The following HPSE2 variants were observed in gnomAD, a reference collection of about 807,000 sequenced individuals.
HPSE2 encodes inactive heparanase-2.
Under a neutral mutation model 60.5 loss-of-function variants are expected in HPSE2, and 38 were observed. The observed-to-expected ratio is 0.63, with a 90% CI of 0.48 to 0.82. The LOEUF is 0.82. HPSE2 is among the 40% of genes least tolerant of loss of function. HPSE2 has a pLI of 0.00. For synonymous variants in HPSE2, 295 were observed against 293.2 expected, an observed-to-expected ratio of 1.01 and a Z score of -0.06; for missense variants, 713 against 740.4, an observed-to-expected ratio of 0.96 and a Z score of 0.43.
At chr10:99,198,213 C>T (rs1290583809) in intron 2 of HPSE2, among the ~76,000 whole-genome samples, 1 of 152,156 alleles carries the variant, frequency 6.6e-6, no homozygotes, top group Non-Finnish European at 1.5e-5. Context: ...ACACAACTCA[C>T]ACGTTTCTGA....
intron 3 of HPSE2, among the ~76,000 whole-genome samples, chr10:98,897,834 A>C (rs1181875145): frequency 6.6e-6 from 1 of 152,162 alleles, no homozygotes; most frequent in African/African-American, 2.4e-5. Context: ...AAAGAAAAAA[A>C]ATTGATTAGT....
chr10:98,643,417 T>C (rs1479996448), intron 6 of HPSE2, among the ~76,000 whole-genome samples: 1 of 152,228 alleles, frequency 6.6e-6, no homozygotes, highest in Non-Finnish European at 1.5e-5. Context: ...AATTAAGTTA[T>C]GTGTAAATAT....
At chr10:98,814,274 A>G (rs2134583947) in intron 3 of HPSE2, among the ~76,000 whole-genome samples, 2 of 152,312 alleles carry the variant, frequency 1.3e-5, no homozygotes, top group East Asian at 1.9e-4. Context: ...ATATTGAAAT[A>G]TAATAGATTT....
intron 6 of HPSE2, among the ~76,000 whole-genome samples, chr10:98,644,511 A>C (rs1358621289): frequency 6.6e-6 from 1 of 152,148 alleles, no homozygotes; most frequent in Non-Finnish European, 1.5e-5. Context: ...ATGTTGTAAA[A>C]ATTTGGAGTT....
intron 3 of HPSE2, among the ~76,000 whole-genome samples, chr10:98,799,056 T>C (rs1192146847): frequency 6.6e-6 from 1 of 151,928 alleles, no homozygotes; most frequent in East Asian, 1.9e-4. Flanking sequence ...ACTTCACCTA[T>C]AAAGATACAC....
At chr10:98,606,536 A>C (rs1047049645) in intron 9 of HPSE2, among the ~76,000 whole-genome samples, 1 of 152,238 alleles carries the variant, frequency 6.6e-6, no homozygotes, top group African/African-American at 2.4e-5. Context: ...CAACAAGACG[A>C]GGGTGAATTT....
the HPSE2 span, among the ~76,000 whole-genome samples, chr10:99,273,333 G>A: frequency 6.6e-6 from 1 of 152,072 alleles, no homozygotes; most frequent in Non-Finnish European, 1.5e-5. Flanking sequence ...TTCAGGTGAT[G>A]GTTGCATCAA....
intron 2 of HPSE2, among the ~76,000 whole-genome samples, chr10:99,170,468 G>C (rs974900522): frequency 6.6e-6 from 1 of 152,064 alleles, no homozygotes; most frequent in Non-Finnish European, 1.5e-5. Flanking sequence ...AATACAATTG[G>C]GTTGGAGGCT....
chr10:98,920,954 C>T (rs890340354), intron 3 of HPSE2, among the ~76,000 whole-genome samples: 1 of 152,168 alleles, frequency 6.6e-6, no homozygotes, highest in Non-Finnish European at 1.5e-5. Context: ...ATTTGGATGA[C>T]ATTGCCTTAG....
chr10:99,124,998 G>A (rs1248815024), intron 3 of HPSE2, among the ~76,000 whole-genome samples: 5 of 152,234 alleles, frequency 3.3e-5, no homozygotes, highest in Non-Finnish European at 7.3e-5. Flanking sequence ...TGTCCCAAAA[G>A]ATGACATAGT....
the HPSE2 span, among the ~76,000 whole-genome samples, chr10:99,302,276 T>C: frequency 0.028 from 4,241 of 152,166 alleles, 196 homozygotes; most frequent in African/African-American, 0.097. Flanking sequence ...TGGTGCTCCA[T>C]ACTCATGCTG....
chr10:98,855,725 A>C (rs1952297999), intron 3 of HPSE2, among the ~76,000 whole-genome samples: 1 of 152,102 alleles, frequency 6.6e-6, no homozygotes, highest in African/African-American at 2.4e-5. Context: ...ATCTAAGACT[A>C]AGGCTGAACC....
chr10:99,000,936 A>C (rs1400709181), intron 3 of HPSE2, among the ~76,000 whole-genome samples: 1 of 152,114 alleles, frequency 6.6e-6, no homozygotes, highest in Non-Finnish European at 1.5e-5. Context: ...ACAGTGTTAT[A>C]TAGGATATTG....
At chr10:99,074,114 T>C (rs1009687588) in intron 3 of HPSE2, among the ~76,000 whole-genome samples, 10 of 152,256 alleles carry the variant, frequency 6.6e-5, no homozygotes, top group African/African-American at 2.4e-4. Context: ...GCGATGTGAG[T>C]TGGCATTATG....
intron 3 of HPSE2, among the ~76,000 whole-genome samples, chr10:98,868,359 G>A (rs929455901): frequency 1.3e-5 from 2 of 151,978 alleles, no homozygotes; most frequent in Non-Finnish European, 2.9e-5. Context: ...GAGTAGGGAG[G>A]TGGTGTGGGC....
At chr10:99,310,102 T>C in the HPSE2 span, among the ~76,000 whole-genome samples, 1 of 152,234 alleles carries the variant, frequency 6.6e-6, no homozygotes, top group Non-Finnish European at 1.5e-5. Context: ...TGCCTTCTGC[T>C]CTGCGTATTT....
At chr10:98,801,663 C>T (rs1950910868) in intron 3 of HPSE2, among the ~76,000 whole-genome samples, 1 of 151,622 alleles carries the variant, frequency 6.6e-6, no homozygotes, top group South Asian at 2.1e-4. Flanking sequence ...ACAATAAAAA[C>T]TATAAAACAC....
intron 9 of HPSE2, among the ~76,000 whole-genome samples, chr10:98,602,752 C>T (rs1259541062): frequency 6.6e-6 from 1 of 152,078 alleles, no homozygotes; most frequent in Non-Finnish European, 1.5e-5. Context: ...ACTGTATCTA[C>T]ATGCAAAAGA....
At chr10:99,090,809 TA>T (rs896171423) in intron 3 of HPSE2, among the ~76,000 whole-genome samples, 41 of 151,132 alleles carry the variant, frequency 2.7e-4, no homozygotes, top group Admixed American at 9.9e-4. Flanking sequence ...GCTTATTGGT[TA>T]AAAAAAAAGG....
Sources: allele counts gnomAD v4.1 joint callset (sites outside exome capture counted in the v4.1 genomes callset), GRCh38; gene constraint gnomAD v4.1.1; transcripts MANE v1.5; gene names NCBI Gene and HGNC (gene_info 2026-07-23, HGNC 2026-07-21).